GRM7: variants seen among roughly 807,000 people sequenced by gnomAD.
GRM7 encodes the protein glutamate metabotropic receptor 7, also known as metabotropic glutamate receptor 7.
In GRM7, 35 loss-of-function variants were observed where a neutral mutation model predicts 84.5. The ratio of observed to expected loss-of-function variants is 0.41; its 90% CI spans 0.32 to 0.55. The LOEUF (loss-of-function observed/expected upper bound fraction) is 0.55. Among genes scored for constraint, GRM7 ranks in the 20% least tolerant of loss-of-function variants. GRM7 has a pLI of 0.19. For missense variants in GRM7, 1,003 were observed against 1,194.6 expected, an observed-to-expected ratio of 0.84 and a Z score of 2.36; for synonymous variants, 487 against 455.1, an observed-to-expected ratio of 1.07 and a Z score of -0.89.
chr3:7,452,556 A>G (rs909879833), intron 5 of GRM7, 51 bp from the exon 6 acceptor site: 20 of 1,137,388 alleles, frequency 1.8e-5, no homozygotes, highest in South Asian at 5.2e-5. Context: ...CTCAATGCCA[A>G]TTTGTGTGTG....
chr3:7,154,913 C>G (rs964045973), intron 2 of GRM7, among the ~76,000 whole-genome samples: 2 of 152,094 alleles, frequency 1.3e-5, no homozygotes, highest in African/African-American at 4.8e-5. Context: ...ACTTCTGTAT[C>G]TCATCGGTTT....
intron 8 of GRM7, among the ~76,000 whole-genome samples, chr3:7,657,692 C>T (rs934305555): frequency 1.1e-4 from 17 of 151,994 alleles, no homozygotes; most frequent in African/African-American, 3.6e-4. Context: ...TTTTGGAGAG[C>T]CTCATAGTTA....
intron 8 of GRM7, among the ~76,000 whole-genome samples, chr3:7,634,491 AAAAAAAAAAAAG>A (rs1175852712): frequency 2.3e-5 from 3 of 129,964 alleles, no homozygotes; most frequent in South Asian, 2.7e-4. Context: ...AAAAAAAAAA[AAAAAAAAAAAAG>A]GGCTGGGCTC....
intron 1 of GRM7, among the ~76,000 whole-genome samples, chr3:6,866,946 G>C (rs1207500108): frequency 1.3e-5 from 2 of 152,128 alleles, no homozygotes. Context: ...TTAAGCTAGG[G>C]AGATGTGATT....
At chr3:7,688,278 TCTTA>T (rs148200790) in intron 9 of GRM7, among the ~76,000 whole-genome samples, 2,202 of 152,216 alleles carry the variant, frequency 0.014, 65 homozygotes, top group African/African-American at 0.05. Flanking sequence ...GCTAGAATTG[TCTTA>T]CTTCAAAGAT....
chr3:7,428,339 A>G (rs913476969), intron 5 of GRM7, among the ~76,000 whole-genome samples: 1 of 152,202 alleles, frequency 6.6e-6, no homozygotes, highest in African/African-American at 2.4e-5. Flanking sequence ...TAAATCTGGG[A>G]GAGTGCCTAA....
rs572105364 is a variant in GRM7, at chr3:7,006,022, T to C, written c.520-140430T>C. On this transcript the variant is annotated intron_variant, in intron 1 of 9. Coordinates refer to ENST00000357716, the MANE Select transcript of GRM7 (RefSeq NM_000844.4). ...CCATATGGCTAAGATAGAGGAGAGG[T>C]ATAATGCCTCAAAAGAAAAATGGGA... Among the ~76,000 whole-genome samples the C allele has an allele frequency of 2.6e-5, 4 of 152,056 alleles. No homozygotes were observed. The East Asian group carries it at 7.7e-4, about 29-fold the overall frequency.
chr3:7,634,479 CA>C (rs869045574), intron 8 of GRM7, among the ~76,000 whole-genome samples: 3 of 30,320 alleles, frequency 9.9e-5, no homozygotes, highest in Non-Finnish European at 1.6e-4. Flanking sequence ...ACTTTTTTTC[CA>C]AAAAAAAAAA....
intron 8 of GRM7, among the ~76,000 whole-genome samples, chr3:7,677,280 A>AAC (rs1700170158): frequency 6.7e-6 from 1 of 148,776 alleles, no homozygotes; most frequent in African/African-American, 2.6e-5. Context: ...AAAAAAAAAA[A>AAC]AAAAAAAAAA....
At chr3:7,171,799 C>T (rs1403422518) in intron 2 of GRM7, among the ~76,000 whole-genome samples, 2 of 152,200 alleles carry the variant, frequency 1.3e-5, no homozygotes, top group Non-Finnish European at 2.9e-5. Flanking sequence ...CCTCCCTAAA[C>T]ATCAGCACCA....
chr3:7,477,613 G>A (rs1240875844), intron 7 of GRM7, among the ~76,000 whole-genome samples: 1 of 152,156 alleles, frequency 6.6e-6, no homozygotes, highest in Non-Finnish European at 1.5e-5. Flanking sequence ...ATCTCACTTT[G>A]TTTCTTTCTG....
intron 2 of GRM7, among the ~76,000 whole-genome samples, chr3:7,174,575 T>A (rs1695084700): frequency 2.6e-5 from 4 of 152,236 alleles, no homozygotes; most frequent in Admixed American, 2.6e-4. Flanking sequence ...TATTTCTAGT[T>A]GTTGTCCAAT....
intron 1 of GRM7, among the ~76,000 whole-genome samples, chr3:7,073,653 T>C (rs1213645276): frequency 6.6e-6 from 1 of 152,188 alleles, no homozygotes; most frequent in Non-Finnish European, 1.5e-5. Context: ...CGATGAGTAC[T>C]GCTGATAGTT....
intron 4 of GRM7, among the ~76,000 whole-genome samples, chr3:7,358,052 C>T (rs996226376): frequency 1.3e-5 from 2 of 152,066 alleles, no homozygotes; most frequent in Non-Finnish European, 2.9e-5. Flanking sequence ...CCCTCTTTTC[C>T]TCCGTTGCTC....
At chr3:6,933,044 C>T (rs368525043) in intron 1 of GRM7, among the ~76,000 whole-genome samples, 3 of 152,002 alleles carry the variant, frequency 2.0e-5, no homozygotes, top group African/African-American at 4.8e-5. Context: ...CATGAGCCAC[C>T]GTGCCTAGCC....
intron 1 of GRM7, among the ~76,000 whole-genome samples, chr3:6,894,976 C>A (rs918534572): frequency 1.3e-5 from 2 of 152,228 alleles, no homozygotes; most frequent in East Asian, 3.9e-4. Flanking sequence ...GATCCTATAA[C>A]AAGTAACAAT....
intron 2 of GRM7, among the ~76,000 whole-genome samples, chr3:7,239,062 A>T (rs1575068629): frequency 7.3e-6 from 1 of 136,656 alleles, no homozygotes. Context: ...TGCAATCATG[A>T]CTCACTGAAG....
intron 2 of GRM7, among the ~76,000 whole-genome samples, chr3:7,292,298 C>T (rs181877227): frequency 6.6e-6 from 1 of 152,272 alleles, no homozygotes; most frequent in African/African-American, 2.4e-5. Flanking sequence ...TTGATGATTC[C>T]TCTAACAAGA....
At chr3:7,147,657 C>T (rs981516855) in intron 2 of GRM7, among the ~76,000 whole-genome samples, 12 of 152,084 alleles carry the variant, frequency 7.9e-5, no homozygotes, top group African/African-American at 1.7e-4. Context: ...CTTCCGGATA[C>T]GGATGATGCT....
Sources: allele counts gnomAD v4.1 joint callset (sites outside exome capture counted in the v4.1 genomes callset), GRCh38; gene constraint gnomAD v4.1.1; transcripts MANE v1.5; gene names NCBI Gene and HGNC (gene_info 2026-07-23, HGNC 2026-07-21).